CP: variants seen among roughly 807,000 people sequenced by gnomAD.
CP encodes caeruloplasmin.
CP carries 64 observed loss-of-function variants against 122.4 expected under a neutral mutation model. That is an observed-to-expected ratio of 0.52 (90% CI 0.43 to 0.64). The LOEUF (loss-of-function observed/expected upper bound fraction) is 0.64, where lower values mean the gene tolerates loss of function less well. CP is among the 30% of genes least tolerant of loss of function. The pLI is 0.00. For synonymous variants in CP, 440 were observed against 436.4 expected (o/e 1.01, Z -0.10); for missense variants, 1,167 against 1,284.4 (o/e 0.91, Z 1.40).
At chr3:149,171,183 C>T (rs997743167), downstream of CP, among the ~76,000 whole-genome samples, 3 of 151,890 alleles carry the variant, frequency 2.0e-5, no homozygotes, top group Non-Finnish European at 2.9e-5. Flanking sequence ...GAGGCTGAGG[C>T]AGGAGAATCT....
chr3:149,197,619 G>C (rs574880846), intron 9 of CP, among the ~76,000 whole-genome samples: 3 of 152,172 alleles, frequency 2.0e-5, no homozygotes, highest in Admixed American at 6.5e-5. Context: ...CAACATTTTT[G>C]GCACCAGGGA....
At chr3:149,173,995 A>T (rs1725232074) in intron 18 of CP, among the ~76,000 whole-genome samples, 1 of 152,200 alleles carries the variant, frequency 6.6e-6, no homozygotes, top group Non-Finnish European at 1.5e-5. Context: ...ACACCATCTT[A>T]ACCAAAGCTT....
At chr3:149,183,440 C>T (rs1038917313) in intron 13 of CP, 26 bp downstream of exon 13, 40 of 1,609,120 alleles carry the variant, frequency 2.5e-5, no homozygotes, top group Non-Finnish European at 3.0e-5. Context: ...TAACCCACAC[C>T]TGATAAACTG....
In CP at chr3:149,182,044, C is replaced by A. The variant is rs756179366; in HGVS notation, c.2515G>T (p.Val839Leu). The A allele has an allele frequency of 2.7e-6, 4 of 1,492,404 alleles. No individual in the cohort carries two copies. The highest frequency in any genetic ancestry group is 3.6e-6 in the Non-Finnish European group (4 of 1,108,032). The allele number at this position is 1,492,404 out of a possible 1,614,324, so 92.4% of individuals were successfully genotyped here. The change falls in exon 14 of 19, where the codon GTA becomes TTA. Residue 839 changes from valine (V) to leucine (L), a missense_variant. Physicochemically the swap from Val to Leu is conservative, Grantham distance 32. Coordinates refer to ENST00000264613, the MANE Select transcript of CP (RefSeq NM_000096.4). ...GTAACTGTAGAACTCTCTGTTTGTA[C>A]CCCATGGGCATGTATTGAGTAGGGC... ...TRPYSIHAHG[V>L]QTESSTVTPT...
intron 1 of CP, among the ~76,000 whole-genome samples, chr3:149,218,665 A>G (rs1357530364): frequency 6.6e-6 from 1 of 152,184 alleles, no homozygotes; most frequent in African/African-American, 2.4e-5. Context: ...AAAAGTTTTT[A>G]CAATACAGTC....
chr3:149,179,720 A>G (rs1334669219), intron 14 of CP, 58 bp from the exon 15 acceptor site: 2 of 805,308 alleles, frequency 2.5e-6, no homozygotes, highest in Admixed American at 2.0e-5. Flanking sequence ...GTACACACAC[A>G]CACACACACA....
chr3:149,198,932 T>C (rs1318639569), intron 8 of CP, among the ~76,000 whole-genome samples: 1 of 152,220 alleles, frequency 6.6e-6, no homozygotes, highest in African/African-American at 2.4e-5. Flanking sequence ...ATGCCGGCAA[T>C]ACAGTGAAAT....
At chr3:149,168,062 A>C (rs559215939), downstream of CP, 4 of 902,172 alleles carry the variant, frequency 4.4e-6, no homozygotes, top group South Asian at 5.5e-5. Context: ...AAGTATTTTC[A>C]TGTGATTCTC....
At chr3:149,213,315 T>TC (rs1310084441) in intron 1 of CP, among the ~76,000 whole-genome samples, 2 of 152,366 alleles carry the variant, frequency 1.3e-5, no homozygotes, top group Admixed American at 1.3e-4. Flanking sequence ...TGTTTTTTAA[T>TC]CCCTCACTAG....
At chr3:149,203,812 A>G (rs1727513630) in intron 6 of CP, among the ~76,000 whole-genome samples, 1 of 152,164 alleles carries the variant, frequency 6.6e-6, no homozygotes, top group Non-Finnish European at 1.5e-5. Flanking sequence ...TGGACCTTAC[A>G]TCTGGCAGAG....
At chr3:149,167,898 G>A (rs1451979607), downstream of CP, 1 of 1,587,040 alleles carries the variant, frequency 6.3e-7, no homozygotes, top group South Asian at 1.1e-5. Flanking sequence ...GATAGACTCT[G>A]TGGTGGAAAA....
At chr3:149,185,101 T>TTTGTTGTTG (rs141521527) in intron 12 of CP, 138 bp downstream of exon 12, 6 of 735,910 alleles carry the variant, frequency 8.2e-6, no homozygotes, top group African/African-American at 7.1e-5. Context: ...TAGGAAGTGT[T>TTTGTTGTTG]TTGTTGTTGT....
Position 149,209,299 on chromosome 3 carries a change from G to C in CP, c.693C>G (p.Tyr231Ter). ...AGTAGGTTTTAATGTTGTCTTCTAG[G>C]TACCAGCTGAAATTTTCATCCACCA... ...FSVVDENFSW[Y>*]LEDNIKTYCS... The change falls in exon 4 of 19, where the codon TAC (tyrosine) becomes TAG (stop). Residue 231 changes from tyrosine to a stop codon, truncating the protein, a stop_gained. Coordinates refer to ENST00000264613, the MANE Select transcript of CP (RefSeq NM_000096.4). LOFTEE classifies it high-confidence loss of function. 1 of 1,613,662 alleles carries C rather than the reference G, an allele frequency of 6.2e-7. No homozygotes were observed. The highest frequency in any genetic ancestry group is 8.5e-7 in the Non-Finnish European group (1 of 1,179,758).
intron 7 of CP, among the ~76,000 whole-genome samples, chr3:149,201,408 A>G (rs1281610510): frequency 6.6e-6 from 1 of 152,134 alleles, no homozygotes; most frequent in African/African-American, 2.4e-5. Context: ...GGCGTGAGCC[A>G]CCACGCCTGG....
rs764871328 is a variant in CP, at chr3:149,181,938, A to G, written c.2554+67T>C. ...CTTGGTCCAGACTCTCTATGATGAG[A>G]GTAATCTGTGGAAAGGCTGTACAGC... On this transcript the variant is annotated intron_variant, in intron 14 of 18. Transcript: ENST00000264613. The G allele has an allele frequency of 3.2e-6, 5 of 1,546,514 alleles. No individual in the cohort carries two copies. The African/African-American group carries it at 4.1e-5, about 13-fold the overall frequency.
chr3:149,176,152 A>G (rs1046514483), intron 18 of CP, 98 bp downstream of exon 18: 5 of 1,148,260 alleles, frequency 4.4e-6, no homozygotes, highest in Non-Finnish European at 5.2e-6. Context: ...CAAATGCTTC[A>G]TATTGATGCA....
chr3:149,162,616 A>G, exon 6 of CP: 2 of 1,444,724 alleles, frequency 1.4e-6, no homozygotes, highest in Non-Finnish European at 9.7e-7. Flanking sequence ...TGATGCTGTG[A>G]TATTCAGCCC....
At chr3:149,183,995 A>G (rs1576737774) in intron 12 of CP, among the ~76,000 whole-genome samples, 1 of 139,288 alleles carries the variant, frequency 7.2e-6, no homozygotes, top group Non-Finnish European at 1.6e-5. Context: ...TGAAATGGAC[A>G]TCTTTTCCCA....
chr3:149,215,643 G>T (rs948704309), intron 1 of CP, among the ~76,000 whole-genome samples: 3 of 152,102 alleles, frequency 2.0e-5, no homozygotes, highest in African/African-American at 7.2e-5. Flanking sequence ...GTCATTAGGG[G>T]CTCTCTATTT....
Sources: allele counts gnomAD v4.1 joint callset (sites outside exome capture counted in the v4.1 genomes callset), GRCh38; gene constraint gnomAD v4.1.1; transcripts MANE v1.5; gene names NCBI Gene and HGNC (gene_info 2026-07-23, HGNC 2026-07-21).